Variants in SNTG1 observed in about 807,000 individuals in gnomAD.
SNTG1 encodes syntrophin gamma 1.
Under a neutral mutation model 74.7 loss-of-function variants are expected in SNTG1, and 39 were observed. The observed-to-expected ratio is 0.52, with a 90% CI of 0.40 to 0.68. SNTG1 has a LOEUF of 0.68. SNTG1 is among the 30% of genes least tolerant of loss of function. SNTG1 has a pLI of 0.00. For synonymous variants in SNTG1, 254 were observed against 217.1 expected, an observed-to-expected ratio of 1.17 and a Z score of -1.49; for missense variants, 685 against 609.5, an observed-to-expected ratio of 1.12 and a Z score of -1.30.
At chr8:50,390,163 C>G (rs2092636197) in intron 2 of SNTG1, among the ~76,000 whole-genome samples, 1 of 151,732 alleles carries the variant, frequency 6.6e-6, no homozygotes, top group Non-Finnish European at 1.5e-5. Flanking sequence ...TTGTCCATGC[C>G]TATGTCCTGA....
intron 18 of SNTG1, among the ~76,000 whole-genome samples, chr8:50,790,322 AT>A (rs2095687313): frequency 6.6e-6 from 1 of 151,958 alleles, no homozygotes; most frequent in Non-Finnish European, 1.5e-5. Flanking sequence ...CATAGGAAGC[AT>A]TTGGTATTTT....
At chr8:50,143,166 G>C (rs17760503) in intron 1 of SNTG1, among the ~76,000 whole-genome samples, 7 of 152,084 alleles carry the variant, frequency 4.6e-5, no homozygotes, top group African/African-American at 1.7e-4. Flanking sequence ...ATATGGCCAT[G>C]CTGTGTCGAC....
At chr8:50,094,541 T>C (rs2079858187) in intron 1 of SNTG1, among the ~76,000 whole-genome samples, 1 of 151,982 alleles carries the variant, frequency 6.6e-6, no homozygotes, top group Non-Finnish European at 1.5e-5. Context: ...CAGATACTTC[T>C]CAAAAGAAGA....
At chr8:50,135,140 T>A (rs937988511) in intron 1 of SNTG1, among the ~76,000 whole-genome samples, 2 of 152,146 alleles carry the variant, frequency 1.3e-5, no homozygotes, top group African/African-American at 4.8e-5. Context: ...TTCAAAGCCC[T>A]ACCCCCTGTC....
intron 15 of SNTG1, among the ~76,000 whole-genome samples, chr8:50,684,001 G>A (rs1294498922): frequency 3.9e-5 from 6 of 152,296 alleles, no homozygotes; most frequent in Non-Finnish European, 8.8e-5. Context: ...AGGAAGACTG[G>A]AACATTGAAG....
intron 2 of SNTG1, among the ~76,000 whole-genome samples, chr8:50,370,511 G>T (rs1014474068): frequency 4.6e-5 from 7 of 152,118 alleles, no homozygotes; most frequent in Admixed American, 2.6e-4. Flanking sequence ...TGGAGAGTAG[G>T]AGCAGCGCTC....
chr8:50,359,089 C>G (rs1417037919), intron 2 of SNTG1, among the ~76,000 whole-genome samples: 2 of 152,194 alleles, frequency 1.3e-5, no homozygotes, highest in Non-Finnish European at 2.9e-5. Flanking sequence ...AGAATATTCT[C>G]TGTCTCCTTG....
intron 17 of SNTG1, among the ~76,000 whole-genome samples, chr8:50,739,646 C>A (rs1471416822): frequency 6.6e-6 from 1 of 151,816 alleles, no homozygotes; most frequent in Non-Finnish European, 1.5e-5. Flanking sequence ...AGCAAACCAC[C>A]ATGGCATGTG....
At chr8:50,545,697 G>A (rs2130520997) in intron 11 of SNTG1, among the ~76,000 whole-genome samples, 1 of 151,992 alleles carries the variant, frequency 6.6e-6, no homozygotes, top group South Asian at 2.1e-4. Flanking sequence ...ATTGAAAGTA[G>A]GCTTTTGGAC....
chr8:50,490,986 C>T (rs902016805), intron 8 of SNTG1: 1 of 153,448 alleles, frequency 6.5e-6, no homozygotes, highest in African/African-American at 2.4e-5. Flanking sequence ...ATCATGTCTA[C>T]ATTGCTCAGA....
chr8:50,011,509 C>T (rs941218520), intron 1 of SNTG1, among the ~76,000 whole-genome samples: 1 of 151,874 alleles, frequency 6.6e-6, no homozygotes, highest in African/African-American at 2.4e-5. Flanking sequence ...GTGTTTTTAA[C>T]CTCTTAAGTA....
intron 18 of SNTG1, among the ~76,000 whole-genome samples, chr8:50,790,602 G>A (rs527352145): frequency 6.6e-6 from 1 of 151,948 alleles, no homozygotes; most frequent in African/African-American, 2.4e-5. Context: ...GAGTGGAAAT[G>A]GTTGCCAAGG....
intron 2 of SNTG1, among the ~76,000 whole-genome samples, chr8:50,290,024 C>T (rs1328154234): frequency 1.3e-5 from 2 of 152,226 alleles, no homozygotes; most frequent in Admixed American, 6.5e-5. Flanking sequence ...GGTACAATTA[C>T]GTTATTTTCA....
chr8:50,585,275 G>A (rs1289290952), intron 12 of SNTG1, among the ~76,000 whole-genome samples: 3 of 152,180 alleles, frequency 2.0e-5, no homozygotes, highest in Non-Finnish European at 4.4e-5. Flanking sequence ...GTAGAGTGAT[G>A]TGTTGGGCAA....
intron 17 of SNTG1, among the ~76,000 whole-genome samples, chr8:50,715,557 G>T (rs7018197): frequency 0.33 from 50,870 of 151,978 alleles, 11,088 homozygotes; most frequent in African/African-American, 0.62. Flanking sequence ...GGAAACAGTC[G>T]TAAGAATGAG....
chr8:50,174,553 A>C (rs1281150460), intron 2 of SNTG1, among the ~76,000 whole-genome samples: 2 of 152,190 alleles, frequency 1.3e-5, no homozygotes, highest in Admixed American at 1.3e-4. Flanking sequence ...CCCCAAAGCA[A>C]AAATAACCCT....
intron 1 of SNTG1, among the ~76,000 whole-genome samples, chr8:50,074,939 C>T (rs1821709319): frequency 6.6e-6 from 1 of 152,212 alleles, no homozygotes; most frequent in Non-Finnish European, 1.5e-5. Flanking sequence ...ATCCTCTCCA[C>T]AGACCCCACA....
At chr8:50,052,560 A>G (rs972743772) in intron 1 of SNTG1, among the ~76,000 whole-genome samples, 1 of 152,166 alleles carries the variant, frequency 6.6e-6, no homozygotes, top group Non-Finnish European at 1.5e-5. Context: ...GAAAAAATTT[A>G]AAAGTAGATA....
At chr8:50,776,344 A>G (rs1221831484) in intron 18 of SNTG1, among the ~76,000 whole-genome samples, 7 of 149,202 alleles carry the variant, frequency 4.7e-5, no homozygotes, top group Non-Finnish European at 1.0e-4. Flanking sequence ...AGTTAGGTGT[A>G]GAAACCTTAA....
Sources: allele counts gnomAD v4.1 joint callset (sites outside exome capture counted in the v4.1 genomes callset), GRCh38; gene constraint gnomAD v4.1.1; transcripts MANE v1.5; gene names NCBI Gene and HGNC (gene_info 2026-07-23, HGNC 2026-07-21).